The following CYTH3 variants were observed in gnomAD, a reference collection of about 807,000 sequenced individuals.
CYTH3 encodes cytohesin 3, also known as cytohesin-3.
CYTH3 carries 23 observed loss-of-function variants against 55.1 expected under a neutral mutation model. That is an observed-to-expected ratio of 0.42 (90% CI 0.30 to 0.59). CYTH3 has a LOEUF of 0.59. Ranked by LOEUF, CYTH3 falls within the 20% of genes least tolerant of loss-of-function variation. The pLI, the probability that CYTH3 is intolerant of heterozygous loss-of-function variation, is 0.20. For synonymous variants in CYTH3, 249 were observed against 194.9 expected (o/e 1.28, Z -2.31); for missense variants, 413 against 524.8 (o/e 0.79, Z 2.08).
rs1056691389 is a variant in CYTH3, at chr7:6,162,312, G to A, written c.*2632C>T. On this transcript the variant is annotated 3_prime_UTR_variant, in exon 13 of 13. Transcript: ENST00000350796. ...GGCTGGAAGGGCTGTGGCAGTCGCC[G>A]CCGCCTCCCCGCGGGGCTCCCCTCA... is the stretch of plus-strand genomic sequence containing the variant. The A allele has an allele frequency of 2.6e-5, 4 of 152,244 alleles. No homozygotes were observed. Among genetic ancestry groups the A allele is most frequent in the South Asian group, 2.1e-4 (1 of 4,832 alleles). 9.4% of individuals were successfully genotyped at this position (152,244 alleles called of 1,614,324 possible).
chr7:6,168,953 C>T (rs1783090822), intron 9 of CYTH3, among the ~76,000 whole-genome samples: 3 of 152,168 alleles, frequency 2.0e-5, no homozygotes, highest in Non-Finnish European at 4.4e-5. Flanking sequence ...GCCGGCATTT[C>T]CGGTTACATT....
In CYTH3 at chr7:6,171,036, C is replaced by T. The variant is rs1583735021; in HGVS notation, c.563-58G>A. Reference sequence around the variant, plus strand: ...GAACCTCCAGTGGACAGTGGGACCCCGCGTGCTGGGGGCCCGCCTGCAAGA... The same window carrying T: ...GAACCTCCAGTGGACAGTGGGACCCTGCGTGCTGGGGGCCCGCCTGCAAGA... On this transcript the variant is annotated intron_variant, in intron 7 of 12. Coordinates refer to ENST00000350796, the MANE Select transcript of CYTH3 (RefSeq NM_004227.4). This position sits in a 1 kb window ranked among gnomAD's most constrained non-coding sequence, Gnocchi z 6.7. 3 of 1,604,058 alleles carry T rather than the reference C, an allele frequency of 1.9e-6. No homozygotes were observed. Among genetic ancestry groups the T allele is most frequent in the East Asian group, 2.2e-5 (1 of 44,592 alleles).
intron 1 of CYTH3, among the ~76,000 whole-genome samples, chr7:6,246,815 T>C (rs1379279123): frequency 6.6e-6 from 1 of 152,194 alleles, no homozygotes; most frequent in Non-Finnish European, 1.5e-5. Flanking sequence ...GACTTTTCAT[T>C]TGTAACATCT....
chr7:6,254,695 G>A (rs1034475287), intron 1 of CYTH3, among the ~76,000 whole-genome samples: 8 of 152,222 alleles, frequency 5.3e-5, no homozygotes, highest in East Asian at 3.9e-4. Context: ...AACAATCTGC[G>A]CACCTTGGCC....
rs1384962169 is a variant in CYTH3, at chr7:6,164,692, CAGG to C, written c.*249_*251del. Reference sequence around the variant, plus strand: ...CAGCCGACCATGACCCCAGCCACGGCAGGAGGCCTCGAGGATCAGTCTGGGCCA... The same window carrying C: ...CAGCCGACCATGACCCCAGCCACGGCAGGCCTCGAGGATCAGTCTGGGCCA... On this transcript the variant is annotated 3_prime_UTR_variant, in exon 13 of 13. Transcript: ENST00000350796. 1.8e-6 allele frequency: 1 copy of C among 551,476 alleles called. No individual in the cohort carries two copies. The highest frequency in any genetic ancestry group is 3.2e-5 in the Admixed American group (1 of 30,928). 34.2% of individuals were successfully genotyped at this position (551,476 alleles called of 1,614,324 possible).
chr7:6,252,605 G>A (rs186396916), intron 1 of CYTH3, among the ~76,000 whole-genome samples: 7 of 152,008 alleles, frequency 4.6e-5, no homozygotes, highest in African/African-American at 7.2e-5. Flanking sequence ...GCCCATCACC[G>A]GATACATGAA....
intron 1 of CYTH3, among the ~76,000 whole-genome samples, chr7:6,218,000 T>C (rs780923193): frequency 2.0e-5 from 3 of 151,218 alleles, no homozygotes; most frequent in African/African-American, 4.9e-5. Context: ...CTGGGCAACA[T>C]GACAAAACCT....
chr7:6,235,100 C>T (rs1779484979), intron 1 of CYTH3, among the ~76,000 whole-genome samples: 1 of 152,202 alleles, frequency 6.6e-6, no homozygotes, highest in African/African-American at 2.4e-5. Flanking sequence ...ATGTATATTT[C>T]CTCCTCACAG....
intron 1 of CYTH3, among the ~76,000 whole-genome samples, chr7:6,269,414 G>A (rs1780593057): frequency 6.6e-6 from 1 of 152,142 alleles, no homozygotes; most frequent in African/African-American, 2.4e-5. Context: ...CTCTTCACCT[G>A]AAGCACAGAC....
chr7:6,200,856 G>A (rs1784043955), intron 1 of CYTH3, among the ~76,000 whole-genome samples: 1 of 152,162 alleles, frequency 6.6e-6, no homozygotes, highest in Non-Finnish European at 1.5e-5. Flanking sequence ...CCCAAACTCA[G>A]GTGATCCTCC....
At chr7:6,220,574 C>CAAAA (rs1191450197) in intron 1 of CYTH3, among the ~76,000 whole-genome samples, 2 of 62,050 alleles carry the variant, frequency 3.2e-5, no homozygotes, top group Non-Finnish European at 6.7e-5. Flanking sequence ...CATCCTGTCT[C>CAAAA]AAAAAAAAAA....
intron 1 of CYTH3, among the ~76,000 whole-genome samples, chr7:6,196,605 A>G (rs994256476): frequency 6.6e-6 from 1 of 151,758 alleles, no homozygotes; most frequent in Non-Finnish European, 1.5e-5. Context: ...GATTATAGGC[A>G]CGCACCACCA....
rs551111893 is a variant in CYTH3 at position 6,165,369 on chromosome 7, G to C, written c.1031C>G (p.Thr344Ser). 6.2e-6 allele frequency: 10 copies of C among 1,614,070 alleles called. No homozygotes were observed. Among genetic ancestry groups the C allele is most frequent in the East Asian group, 2.2e-5 (1 of 44,876 alleles). Residue 344 changes from threonine (T) to serine (S), a missense_variant, in exon 12 of 13, where the codon ACT becomes AGT. Transcript: ENST00000350796. ...CTCTACCACGCGGCCGTCGGCCTCA[G>C]TCTTACAGGCCTTGATGACCTGCCC... ...HKGQVIKACK[T>S]EADGRVVEGN...
intron 1 of CYTH3, among the ~76,000 whole-genome samples, chr7:6,192,722 G>A (rs1173164684): frequency 2.0e-5 from 3 of 149,796 alleles, no homozygotes; most frequent in East Asian, 2.0e-4. Flanking sequence ...TAGTAGAGAC[G>A]GGGTTTCACC....
intron 6 of CYTH3, chr7:6,173,090 G>C (rs1212519409): frequency 6.8e-6 from 7 of 1,024,680 alleles, no homozygotes; most frequent in Non-Finnish European, 8.2e-6. Flanking sequence ...CAGGGTCAAG[G>C]CCCAGAACAG....
chr7:6,177,010 T>A (rs948210533), intron 5 of CYTH3, among the ~76,000 whole-genome samples: 7 of 152,280 alleles, frequency 4.6e-5, no homozygotes, highest in African/African-American at 1.7e-4. Flanking sequence ...GATACATTAC[T>A]TTAATTGACT....
intron 1 of CYTH3, among the ~76,000 whole-genome samples, chr7:6,236,658 A>C (rs1388893721): frequency 6.6e-6 from 1 of 151,924 alleles, no homozygotes; most frequent in African/African-American, 2.4e-5. Context: ...TTCTGGGTTC[A>C]AGCAATTCTC....
intron 1 of CYTH3, among the ~76,000 whole-genome samples, chr7:6,260,251 G>T (rs964207265): frequency 6.6e-6 from 1 of 151,928 alleles, no homozygotes; most frequent in African/African-American, 2.4e-5. Context: ...CTTTTTAAAG[G>T]ATCTGCCAAT....
intron 1 of CYTH3, among the ~76,000 whole-genome samples, chr7:6,207,353 C>T (rs1035130333): frequency 6.6e-5 from 10 of 152,252 alleles, no homozygotes; most frequent in African/African-American, 1.9e-4. Flanking sequence ...CTCAGCCTCC[C>T]AAAGTGCTGG....
Sources: gnomAD v4.1 joint callset for allele counts (sites outside exome capture counted in the v4.1 genomes callset) on GRCh38, gnomAD v4.1.1 for gene constraint, Gnocchi (gnomAD v3.1) non-coding constraint, MANE v1.5 for transcripts, NCBI Gene and HGNC (gene_info 2026-07-23, HGNC 2026-07-21) for gene names.